Variants in LRRTM4 observed in about 807,000 individuals in gnomAD.
LRRTM4 encodes leucine-rich repeat transmembrane neuronal protein 4.
In LRRTM4, 25 loss-of-function variants were observed where a neutral mutation model predicts 47.6. The observed-to-expected ratio is 0.53, with a 90% CI of 0.38 to 0.73. The LOEUF (loss-of-function observed/expected upper bound fraction) is 0.73. Among genes scored for constraint, LRRTM4 ranks in the 30% least tolerant of loss-of-function variants. LRRTM4 has a pLI of 0.00. For missense variants in LRRTM4, 638 were observed against 713.4 expected (o/e 0.89, Z 1.20); for synonymous variants, 311 against 269.5 (o/e 1.15, Z -1.51).
Position 76,892,566 on chromosome 2 carries a change from A to G in LRRTM4, c.1552-143650T>C, listed in dbSNP as rs1476997758. 7.2e-5 allele frequency among the ~76,000 whole-genome samples: 11 copies of G among 151,806 alleles called. No homozygotes were observed. The East Asian group carries it at 2.1e-3, about 29-fold the overall frequency. On this transcript the variant is annotated intron_variant, in intron 3 of 3. Transcript: ENST00000409884. ...AACTGCAATTTTTTTTGGCAAACTC[A>G]AAGACAGTAATATGTATCAGGAATT...
At chr2:76,806,784 G>GCTTATATGTATTATAATGACAT (rs1675990066) in intron 3 of LRRTM4, among the ~76,000 whole-genome samples, 1 of 152,002 alleles carries the variant, frequency 6.6e-6, no homozygotes, top group Admixed American at 6.5e-5. Flanking sequence ...CAATCTACCA[G>GCTTATATGTATTATAATGACAT]CTTATATGTA....
At chr2:76,798,453 G>C (rs1230188753) in intron 3 of LRRTM4, among the ~76,000 whole-genome samples, 10 of 150,686 alleles carry the variant, frequency 6.6e-5, no homozygotes, top group Non-Finnish European at 1.3e-4. Context: ...TCAAAGCAGT[G>C]TGTAGAGGGA....
intron 3 of LRRTM4, among the ~76,000 whole-genome samples, chr2:77,373,255 T>G (rs1051837850): frequency 6.6e-6 from 1 of 151,218 alleles, no homozygotes; most frequent in Non-Finnish European, 1.5e-5. Context: ...TTTTATAAAC[T>G]AAATGGGTAA....
chr2:76,962,021 A>G (rs1188837275), intron 3 of LRRTM4, among the ~76,000 whole-genome samples: 1 of 151,156 alleles, frequency 6.6e-6, no homozygotes, highest in Non-Finnish European at 1.5e-5. Context: ...TATACCTTGG[A>G]GATAACCAGA....
At chr2:77,486,837 C>T (rs1677932266) in intron 3 of LRRTM4, among the ~76,000 whole-genome samples, 1 of 152,162 alleles carries the variant, frequency 6.6e-6, no homozygotes, top group East Asian at 1.9e-4. Flanking sequence ...CCATTTCCAA[C>T]TCTTCTGATA....
intron 3 of LRRTM4, among the ~76,000 whole-genome samples, chr2:77,096,068 T>G (rs1173121035): frequency 6.6e-6 from 1 of 152,150 alleles, no homozygotes; most frequent in African/African-American, 2.4e-5. Flanking sequence ...GAGATGGATA[T>G]GTTAATTGGC....
At chr2:77,312,066 C>G (rs1481651399) in intron 3 of LRRTM4, among the ~76,000 whole-genome samples, 1 of 152,064 alleles carries the variant, frequency 6.6e-6, no homozygotes, top group Non-Finnish European at 1.5e-5. Context: ...CTCTCCACAC[C>G]CCCACCTTGG....
chr2:77,444,346 T>C (rs1675961957), intron 3 of LRRTM4, among the ~76,000 whole-genome samples: 1 of 152,140 alleles, frequency 6.6e-6, no homozygotes, highest in Admixed American at 6.6e-5. Flanking sequence ...TTTATATTTT[T>C]AGTAAAAATT....
intron 3 of LRRTM4, among the ~76,000 whole-genome samples, chr2:76,811,213 G>A (rs1304350318): frequency 6.6e-6 from 1 of 152,128 alleles, no homozygotes; most frequent in Non-Finnish European, 1.5e-5. Context: ...CTTAAATATA[G>A]AGTTCCTGAC....
intron 3 of LRRTM4, among the ~76,000 whole-genome samples, chr2:76,800,025 G>GC (rs1387906331): frequency 1.3e-5 from 2 of 151,890 alleles, no homozygotes; most frequent in Non-Finnish European, 1.5e-5. Context: ...TGGTCATACT[G>GC]CCCAAGGTAA....
intron 3 of LRRTM4, among the ~76,000 whole-genome samples, chr2:77,496,994 G>T (rs972310699): frequency 3.3e-5 from 5 of 151,550 alleles, no homozygotes; most frequent in African/African-American, 4.8e-5. Flanking sequence ...GGGATCTTCA[G>T]GTTATCTATT....
At chr2:76,868,124 T>C (rs1276744096) in intron 3 of LRRTM4, among the ~76,000 whole-genome samples, 1 of 152,218 alleles carries the variant, frequency 6.6e-6, no homozygotes, top group African/African-American at 2.4e-5. Flanking sequence ...GAATCAGGAA[T>C]GTAAAGTCAT....
chr2:77,421,533 C>T (rs1674884802), intron 3 of LRRTM4, among the ~76,000 whole-genome samples: 1 of 151,982 alleles, frequency 6.6e-6, no homozygotes. Context: ...CGGTGAAACC[C>T]CTTCTCTACT....
At position 77,157,299 on chromosome 2, in the gene LRRTM4, G is replaced by A. The variant is rs144044796; in HGVS notation, c.1551+361019C>T. The stretch of plus-strand genomic sequence containing the variant: ...AGAAGGAAGGTAATTATGAGGAGGG[G>A]AATCATCATATCAGTAAGGTGTCAA... On this transcript the variant is annotated intron_variant, in intron 3 of 3. Transcript: ENST00000409884. Among the ~76,000 whole-genome samples, 524 of 152,152 alleles carry A rather than the reference G, an allele frequency of 3.4e-3. 1 individual carries two copies. The highest frequency in any genetic ancestry group is 0.017 in the Middle Eastern group (5 of 294).
rs1268657849 is a variant in LRRTM4, at chr2:76,974,161, TATATATAC to T, written c.1552-225253_1552-225246del. Among the ~76,000 whole-genome samples the T allele has an allele frequency of 1.2e-4, 17 of 140,828 alleles. 1 individual carries two copies. The highest frequency in any genetic ancestry group is 4.7e-4 in the African/African-American group (17 of 36,168). 92.4% of individuals were successfully genotyped at this position (140,828 alleles called of 152,430 possible). A position where few individuals can be genotyped will look rare whatever the true frequency, so the allele number is the denominator to read the frequency against. On this transcript the variant is annotated intron_variant, in intron 3 of 3. Coordinates refer to ENST00000409884, the MANE Select transcript of LRRTM4 (RefSeq NM_001134745.3). Reference sequence around the variant, plus strand: ...ATATACATATATATACATACATATATATATATACATACATATATATACATACATATATA... The same window carrying T: ...ATATACATATATATACATACATATATATACATATATATACATACATATATA...
intron 3 of LRRTM4, among the ~76,000 whole-genome samples, chr2:77,008,482 T>C (rs1032119983): frequency 6.6e-6 from 1 of 152,202 alleles, no homozygotes; most frequent in African/African-American, 2.4e-5. Flanking sequence ...ATTTCACCAC[T>C]GATATGATAT....
intron 3 of LRRTM4, among the ~76,000 whole-genome samples, chr2:77,006,958 T>G (rs1245430938): frequency 1.3e-5 from 2 of 152,062 alleles, no homozygotes; most frequent in Non-Finnish European, 2.9e-5. Flanking sequence ...GCATCCAGGT[T>G]CAAGGAGGAC....
intron 3 of LRRTM4, among the ~76,000 whole-genome samples, chr2:76,760,139 C>T (rs1234224754): frequency 6.6e-6 from 1 of 152,116 alleles, no homozygotes; most frequent in Non-Finnish European, 1.5e-5. Flanking sequence ...CTGTGAGCGT[C>T]TCACTTTCCT....
chr2:77,362,153 G>GAA lies in LRRTM4; in HGVS notation c.1551+156163_1551+156164dup, dbSNP rs1672255668. ...AGAAAGAAAGAAAGAAAGAAAGAAA[G>GAA]AAAGAAAGAAAGAAAGAAAGGAAGG... On this transcript the variant is annotated intron_variant, in intron 3 of 3. Transcript: ENST00000409884. 2.6e-5 allele frequency among the ~76,000 whole-genome samples: 4 copies of GAA among 151,280 alleles called. No homozygotes were observed. In the South Asian group the frequency reaches 8.4e-4, roughly 32 times the overall value.
Sources: gnomAD v4.1 joint callset for allele counts (sites outside exome capture counted in the v4.1 genomes callset) on GRCh38, gnomAD v4.1.1 for gene constraint, MANE v1.5 for transcripts, NCBI Gene and HGNC (gene_info 2026-07-23, HGNC 2026-07-21) for gene names.